The following RAB7A variants were observed in gnomAD, a reference collection of about 807,000 sequenced individuals.
RAB7A encodes ras-related protein Rab-7a.
Under a neutral mutation model 24.5 loss-of-function variants are expected in RAB7A, and 2 were observed. The ratio of observed to expected loss-of-function variants is 0.08; its 90% CI spans 0.03 to 0.26. The LOEUF is 0.26. RAB7A is among the 10% of genes least tolerant of loss of function. The pLI, the probability that RAB7A is intolerant of heterozygous loss-of-function variation, is 1.00. For missense variants in RAB7A, 118 were observed against 255.7 expected (o/e 0.46, Z 3.67); for synonymous variants, 100 against 95.9 (o/e 1.04, Z -0.25).
chr3:128,799,814 C>T (rs1456910542), intron 3 of RAB7A, among the ~76,000 whole-genome samples: 1 of 152,168 alleles, frequency 6.6e-6, no homozygotes. Flanking sequence ...AAGGATTTAA[C>T]ATAAATCCCT....
Position 128,813,410 on chromosome 3 carries a change from C to G in RAB7A, c.612C>G (p.Ser204Arg). ...ACCGGGCCAAGGCCTCGGCAGAAAG[C>G]TGCAGTTGCTGAGGGGGCAGTGAGA... ...KNDRAKASAE[S>R]CSC The change falls in exon 6 of 6, where the codon AGC becomes AGG. Residue 204 changes from serine (S) to arginine (R), a missense_variant. Ser to Arg is a moderately radical substitution (Grantham distance 110). Around this residue, in one of 2 missense-constraint regions of RAB7A, gnomAD observed 66 missense variants for 82.2 expected, o/e 0.80. Coordinates refer to ENST00000265062, the MANE Select transcript of RAB7A (RefSeq NM_004637.6). 6.2e-7 allele frequency: 1 copy of G among 1,614,174 alleles called. No homozygotes were observed. Among genetic ancestry groups the G allele is most frequent in the South Asian group, 1.1e-5 (1 of 91,088 alleles).
chr3:128,802,980 A>T (rs1933731487), intron 3 of RAB7A, among the ~76,000 whole-genome samples: 1 of 151,386 alleles, frequency 6.6e-6, no homozygotes, highest in Admixed American at 6.6e-5. Context: ...AATTTTTTGT[A>T]TTTATTTTTA....
At chr3:128,812,394 C>T (rs953871934) in intron 5 of RAB7A, among the ~76,000 whole-genome samples, 26 of 152,192 alleles carry the variant, frequency 1.7e-4, no homozygotes, top group African/African-American at 4.8e-4. Context: ...GGATTACAGG[C>T]GTGAGCCACC....
chr3:128,744,442 T>C (rs1281991430), intron 1 of RAB7A, among the ~76,000 whole-genome samples: 17 of 152,218 alleles, frequency 1.1e-4, no homozygotes, highest in Admixed American at 9.2e-4. Flanking sequence ...CTTAGATATT[T>C]TGAAATATGA....
intron 1 of RAB7A, among the ~76,000 whole-genome samples, chr3:128,788,888 G>A (rs1482029442): frequency 6.6e-6 from 1 of 152,116 alleles, no homozygotes; most frequent in African/African-American, 2.4e-5. Context: ...CTGCTTATGT[G>A]GCCATTTGGC....
intron 1 of RAB7A, among the ~76,000 whole-genome samples, chr3:128,750,847 G>T (rs1199856532): frequency 6.6e-6 from 1 of 152,202 alleles, no homozygotes; most frequent in African/African-American, 2.4e-5. Flanking sequence ...AGGAGAAGAT[G>T]GTTTCATGGG....
At chr3:128,772,273 G>A (rs1246251271) in intron 1 of RAB7A, among the ~76,000 whole-genome samples, 1 of 152,192 alleles carries the variant, frequency 6.6e-6, no homozygotes, top group Non-Finnish European at 1.5e-5. Context: ...GGCAGTGAAA[G>A]GCTAGAATCA....
chr3:128,786,422 T>C (rs1004978249), intron 1 of RAB7A, among the ~76,000 whole-genome samples: 6 of 142,218 alleles, frequency 4.2e-5, no homozygotes, highest in Non-Finnish European at 9.8e-5. Flanking sequence ...TCTCCAAAAC[T>C]TTATGAGCAA....
chr3:128,754,143 C>T (rs759935373), intron 1 of RAB7A, among the ~76,000 whole-genome samples: 34 of 152,020 alleles, frequency 2.2e-4, no homozygotes, highest in Non-Finnish European at 3.8e-4. Context: ...AAGGTAAATA[C>T]ATGAAAAATT....
In RAB7A at chr3:128,789,285, T is replaced by A. The variant is rs1166088257; in HGVS notation, c.-8-6075T>A. Among the ~76,000 whole-genome samples, 5 of 152,194 alleles carry A rather than the reference T, an allele frequency of 3.3e-5. No individual in the cohort carries two copies. In the East Asian group the frequency reaches 9.6e-4, roughly 29 times the overall value. ...CCTGTGAGAGGAAGTGGTCGGTGCT[T>A]TAGAGAACTGTTTTCCAGTTAGAAA... On this transcript the variant is annotated intron_variant, in intron 1 of 5. Coordinates refer to ENST00000265062, the MANE Select transcript of RAB7A (RefSeq NM_004637.6).
chr3:128,796,686 C>G (rs1253562168), intron 2 of RAB7A, among the ~76,000 whole-genome samples: 1 of 152,046 alleles, frequency 6.6e-6, no homozygotes, highest in Non-Finnish European at 1.5e-5. Flanking sequence ...GTGTGAGAGA[C>G]AGGGTCTCGC....
intron 1 of RAB7A, among the ~76,000 whole-genome samples, chr3:128,755,572 A>G (rs933078411): frequency 1.6e-4 from 25 of 152,192 alleles, no homozygotes; most frequent in Non-Finnish European, 2.2e-4. Context: ...AAAATTGACA[A>G]TCCCTTACCT....
chr3:128,798,841 AAAAAG>A, intron 3 of RAB7A: 20 of 259,058 alleles, frequency 7.7e-5, no homozygotes, highest in South Asian at 3.5e-4. Context: ...AAAAAAAAAA[AAAAAG>A]AATCCCAGGA....
chr3:128,771,812 C>T (rs1328010306), intron 1 of RAB7A, among the ~76,000 whole-genome samples: 1 of 152,174 alleles, frequency 6.6e-6, no homozygotes, highest in Non-Finnish European at 1.5e-5. Flanking sequence ...GAATAAGGAG[C>T]GTATCTGAAT....
intron 1 of RAB7A, among the ~76,000 whole-genome samples, chr3:128,731,336 GTTC>G (rs2070434579): frequency 6.6e-6 from 1 of 152,144 alleles, no homozygotes; most frequent in Non-Finnish European, 1.5e-5. Context: ...CCTACCAACA[GTTC>G]TTCTGTTCAC....
chr3:128,763,645 T>A (rs1046460710), intron 1 of RAB7A, among the ~76,000 whole-genome samples: 2 of 152,184 alleles, frequency 1.3e-5, no homozygotes, highest in African/African-American at 4.8e-5. Context: ...ATTGTAAAGA[T>A]ACTTTTCCTT....
At chr3:128,770,025 C>T (rs1332108954) in intron 1 of RAB7A, among the ~76,000 whole-genome samples, 2 of 143,504 alleles carry the variant, frequency 1.4e-5, no homozygotes, top group Admixed American at 7.2e-5. Context: ...TTTTTTGAGA[C>T]GGAGTCTCGC....
At chr3:128,773,446 C>A (rs1299150716) in intron 1 of RAB7A, among the ~76,000 whole-genome samples, 1 of 144,494 alleles carries the variant, frequency 6.9e-6, no homozygotes, top group Non-Finnish European at 1.6e-5. Flanking sequence ...CCCGCCCGGC[C>A]AGCCGCCCCG....
chr3:128,730,238 T>C (rs2070421195), intron 1 of RAB7A, among the ~76,000 whole-genome samples: 1 of 152,194 alleles, frequency 6.6e-6, no homozygotes, highest in African/African-American at 2.4e-5. Flanking sequence ...TAAAACTTTT[T>C]TTTTTTTTTT....
Sources: gnomAD v4.1 joint callset for allele counts (sites outside exome capture counted in the v4.1 genomes callset) on GRCh38, gnomAD v4.1.1 for gene constraint, gnomAD v4.1.1 regional missense constraint, MANE v1.5 for transcripts, NCBI Gene and HGNC (gene_info 2026-07-23, HGNC 2026-07-21) for gene names.